The following MIOX variants were observed in gnomAD, a reference collection of about 807,000 sequenced individuals.
The protein encoded by MIOX is inositol oxygenase.
Under a neutral mutation model 42.7 loss-of-function variants are expected in MIOX, and 51 were observed. The observed-to-expected ratio is 1.19, with a 90% confidence interval of 0.95 to 1.51. The LOEUF is 1.51. MIOX is among the 40% of genes most tolerant of loss of function. The pLI is 0.00. For synonymous variants in MIOX, 168 were observed against 154.4 expected (o/e 1.09, Z -0.65); for missense variants, 395 against 381.3 (o/e 1.04, Z -0.30).
In MIOX at chr22:50,489,909, T is replaced by C; in HGVS notation, c.*53T>C. The C allele has an allele frequency of 6.5e-7, 1 of 1,532,826 alleles. No individual in the cohort carries two copies. Among genetic ancestry groups the C allele is most frequent in the Non-Finnish European group, 9.0e-7 (1 of 1,116,518 alleles). 95.0% of individuals were successfully genotyped at this position (1,532,826 alleles called of 1,614,324 possible). A position where few individuals can be genotyped will look rare whatever the true frequency, so the allele number is the denominator to read the frequency against. ...ACCTAGGCCTGGCCCTCCGCCTGCC[T>C]GGAGAGGCCTGGCCCTGGGCAAACA... On this transcript the variant is annotated 3_prime_UTR_variant, in exon 10 of 10. Coordinates refer to ENST00000216075, the MANE Select transcript of MIOX (RefSeq NM_017584.6).
In MIOX at chr22:50,489,442, C is replaced by T; in HGVS notation, c.632C>T (p.Pro211Leu). 6.2e-7 allele frequency: 1 copy of T among 1,607,082 alleles called. No homozygotes were observed. Among genetic ancestry groups the T allele is most frequent in the Non-Finnish European group, 8.5e-7 (1 of 1,177,400 alleles). ...AAGTTTAACAAGTTCTCACTGCCCC[C>T]TGAGGTAGGTGGGGGGAGGGGCAAC... ...VMKFNKFSLP[P>L]EAFYMIRFHS... The change falls in exon 8 of 10, where the codon CCT becomes CTT. Residue 211 changes from proline to leucine, a missense_variant. By Grantham distance (98) the Pro-to-Leu change is moderately conservative. Transcript: ENST00000216075.
rs369422809 is a variant in MIOX, at chr22:50,489,265, G to A, written c.556G>A (p.Asp186Asn). ...LGMYQPHCGL[D>N]RVLMSWGHDE... ...GATGTATCAGCCCCACTGTGGGCTCGACAGGGTCCTCATGTCCTGGGGCCA... is the reference window on the plus strand; with the variant it reads ...GATGTATCAGCCCCACTGTGGGCTCAACAGGGTCCTCATGTCCTGGGGCCA... Residue 186 changes from aspartate (D) to asparagine (N), a missense_variant, in exon 7 of 10, where the codon GAC becomes AAC. Physicochemically the swap from Asp to Asn is conservative, Grantham distance 23. Coordinates refer to ENST00000216075, the MANE Select transcript of MIOX (RefSeq NM_017584.6). 4.5e-5 allele frequency: 72 copies of A among 1,601,200 alleles called. No homozygotes were observed. Among genetic ancestry groups the A allele is most frequent in the East Asian group, 1.3e-4 (6 of 44,666 alleles).
chr22:50,487,908 C>G lies in MIOX; in HGVS notation c.200C>G (p.Ser67Cys), dbSNP rs146070984. Residue 67 changes from serine (S) to cysteine (C), a missense_variant, in exon 4 of 10, where the codon TCC becomes TGC. By Grantham distance (112) the Ser-to-Cys change is moderately radical (BLOSUM62 -1). Coordinates refer to ENST00000216075, the MANE Select transcript of MIOX (RefSeq NM_017584.6). ...CAGCATGCCCAGTTTGGGGGCTTCT[C>G]CTACAAGAAAATGACAGTCATGGAG... ...RSKHAQFGGF[S>C]YKKMTVMEAV... is the part of the protein sequence containing the mutation. The G allele has an allele frequency of 1.9e-6, 3 of 1,613,822 alleles. No individual in the cohort carries two copies. The highest frequency in any genetic ancestry group is 1.7e-5 in the Admixed American group (1 of 59,988).
Position 50,489,820 on chromosome 22 carries a change from C to A in MIOX, c.822C>A (p.Leu274=), listed in dbSNP as rs11556222. ...AGCTGCGGCCCTACTACCAGGGGCT[C>A]ATTGACAAGTACTGCCCTGGCATCC... ...VDKLRPYYQG[L]IDKYCPGILS... Residue 274 remains leucine, a synonymous_variant, in exon 10 of 10, where the codon CTC becomes CTA. Transcript: ENST00000216075. The A allele has an allele frequency of 1.2e-6, 2 of 1,611,482 alleles. No homozygotes were observed. The highest frequency in any genetic ancestry group is 1.3e-5 in the African/African-American group (1 of 74,874).
rs147152075 is a variant in MIOX at position 50,489,785 on chromosome 22, G to C, written c.787G>C (p.Asp263His). The C allele has an allele frequency of 9.4e-5, 151 of 1,612,174 alleles. No individual in the cohort carries two copies. The highest frequency in any genetic ancestry group is 1.2e-4 in the Non-Finnish European group (139 of 1,179,954). The change falls in exon 10 of 10, where the codon GAC (aspartate) becomes CAC (histidine). Residue 263 changes from aspartate to histidine, a missense_variant. Coordinates refer to ENST00000216075, the MANE Select transcript of MIOX (RefSeq NM_017584.6). ...DLYTKCPDLP[D>H]VDKLRPYYQG... ...CTACACCAAGTGCCCGGACCTGCCG[G>C]ACGTGGACAAGCTGCGGCCCTACTA...
rs751867030 is a variant in MIOX, at chr22:50,486,901, A to C, written c.4A>C (p.Lys2Gln). The C allele has an allele frequency of 1.2e-6, 2 of 1,613,856 alleles. No homozygotes were observed. Among genetic ancestry groups the C allele is most frequent in the Non-Finnish European group, 1.7e-6 (2 of 1,179,962 alleles). Reference protein sequence around the residue: MKVTVGPDPSLV... With the variant: MQVTVGPDPSLV... Reference sequence around the variant, plus strand: ...CTGAGCGCCGCTCCCTCTCAGGATGAAGGTGACGGTGGTGAGTACCCAGAC... The same window carrying C: ...CTGAGCGCCGCTCCCTCTCAGGATGCAGGTGACGGTGGTGAGTACCCAGAC... Residue 2 changes from lysine (K) to glutamine (Q), a missense_variant, in exon 1 of 10, where the codon AAG (lysine) becomes CAG (glutamine). Physicochemically the swap from Lys to Gln is moderately conservative, Grantham distance 53. Coordinates refer to ENST00000216075, the MANE Select transcript of MIOX (RefSeq NM_017584.6).
rs762254881 is a variant in MIOX, at chr22:50,489,740, T to C, written c.750-8T>C. ...CTTCACGGGGCTCACCGCCCCTCCC[T>C]GCTGCAGCAAGTTCGACCTCTACAC... On this transcript the variant is annotated splice_polypyrimidine_tract_variant and splice_region_variant and intron_variant, in intron 9 of 9. Transcript: ENST00000216075. 1.2e-6 allele frequency: 2 copies of C among 1,611,538 alleles called. No individual in the cohort carries two copies. Among genetic ancestry groups the C allele is most frequent in the East Asian group, 2.2e-5 (1 of 44,880 alleles).
At chr22:50,487,248 G>A (rs2068280596) in intron 1 of MIOX, 137 bp from the exon 2 acceptor site, 1 of 741,160 alleles carries the variant, frequency 1.3e-6, no homozygotes, top group Middle Eastern at 2.5e-4. Flanking sequence ...TGGCGTGGGA[G>A]AGGCTGTGTC....
Position 50,487,659 on chromosome 22 carries a change from C to T in MIOX, c.97-3C>T. The T allele has an allele frequency of 1.9e-6, 3 of 1,612,186 alleles. No individual in the cohort carries two copies. The highest frequency in any genetic ancestry group is 1.3e-5 in the African/African-American group (1 of 74,848). On this transcript the variant is annotated splice_region_variant and splice_polypyrimidine_tract_variant and intron_variant, in intron 2 of 9. Transcript: ENST00000216075. The stretch of plus-strand genomic sequence containing the variant: ...GTGGCGCCACTGACCCTCCGGCCTG[C>T]AGTCAGGTCCCCTCCTGGACCGTGT...
chr22:50,488,090 A>C (rs1226363910), intron 4 of MIOX, 42 bp downstream of exon 4: 3 of 1,611,010 alleles, frequency 1.9e-6, no homozygotes, highest in Admixed American at 1.7e-5. Flanking sequence ...TGCTGCCTCC[A>C]AGGGGCAGAA....
rs751867030 is a variant in MIOX at position 50,486,901 on chromosome 22, A to T, written c.4A>T (p.Lys2Ter). 6.2e-7 allele frequency: 1 copy of T among 1,613,856 alleles called. No individual in the cohort carries two copies. The highest frequency in any genetic ancestry group is 1.3e-5 in the African/African-American group (1 of 75,044). The change falls in exon 1 of 10, where the codon AAG (lysine) becomes TAG (stop). Residue 2 changes from lysine to a stop codon, truncating the protein, a stop_gained. Coordinates refer to ENST00000216075, the MANE Select transcript of MIOX (RefSeq NM_017584.6). LOFTEE classifies it high-confidence loss of function. M[K>*]VTVGPDPSLV... ...CTGAGCGCCGCTCCCTCTCAGGATG[A>T]AGGTGACGGTGGTGAGTACCCAGAC...
chr22:50,488,240 C>A, intron 4 of MIOX, 35 bp from the exon 5 acceptor site: 2 of 1,613,218 alleles, frequency 1.2e-6, no homozygotes, highest in Non-Finnish European at 1.7e-6. Flanking sequence ...TTGGCCCCTG[C>A]AGTCCCCAAC....
At chr22:50,488,452 C>T (rs1184896791) in intron 5 of MIOX, 110 bp downstream of exon 5, 2 of 861,494 alleles carry the variant, frequency 2.3e-6, no homozygotes, top group Admixed American at 2.9e-5. Context: ...CCAGTGCACC[C>T]CCCACGGCCC....
In MIOX at chr22:50,489,526, C is replaced by T. The variant is rs1306962330; in HGVS notation, c.637-6C>T. 1 of 1,612,568 alleles carries T rather than the reference C, an allele frequency of 6.2e-7. No homozygotes were observed. The highest frequency in any genetic ancestry group is 8.5e-7 in the Non-Finnish European group (1 of 1,179,812). On this transcript the variant is annotated splice_polypyrimidine_tract_variant and splice_region_variant and intron_variant, in intron 8 of 9. Transcript: ENST00000216075. Reference sequence around the variant, plus strand: ...CAAGTGAGCCGCTGGGTGGCCTTGCCCGCAGGCTTTCTACATGATCCGGTT... The same window carrying T: ...CAAGTGAGCCGCTGGGTGGCCTTGCTCGCAGGCTTTCTACATGATCCGGTT...
chr22:50,487,583 G>T, intron 2 of MIOX, 79 bp from the exon 3 acceptor site: 1 of 1,553,866 alleles, frequency 6.4e-7, no homozygotes, highest in Non-Finnish European at 8.8e-7. Flanking sequence ...ATCACACCCT[G>T]TGGGGCTGCC....
Position 50,489,735 on chromosome 22 carries a change from C to G in MIOX, c.750-13C>G, listed in dbSNP as rs754388178. The G allele has an allele frequency of 5.0e-5, 80 of 1,611,182 alleles. 2 individuals carry two copies. In the South Asian group the frequency reaches 8.6e-4, roughly 17 times the overall value. ...GGGTTCTTCACGGGGCTCACCGCCC[C>G]TCCCTGCTGCAGCAAGTTCGACCTC... On this transcript the variant is annotated splice_polypyrimidine_tract_variant and intron_variant, in intron 9 of 9. Coordinates refer to ENST00000216075, the MANE Select transcript of MIOX (RefSeq NM_017584.6).
chr22:50,489,333 G>A, intron 7 of MIOX, 38 bp downstream of exon 7: 3 of 1,475,248 alleles, frequency 2.0e-6, no homozygotes, highest in Admixed American at 2.1e-5. Flanking sequence ...GTGGGGGGCG[G>A]TGGGGGACGG....
rs773684601 is a variant in MIOX at position 50,489,376 on chromosome 22, G to A, written c.587-21G>A. On this transcript the variant is annotated intron_variant, in intron 7 of 9. Coordinates refer to ENST00000216075, the MANE Select transcript of MIOX (RefSeq NM_017584.6). ...CGGTGGGGCAGAGGCAGTGCCTGCT[G>A]GTGACACCCTCTCCCCACAGAGTAC... 19 of 1,558,714 alleles carry A rather than the reference G, an allele frequency of 1.2e-5. No homozygotes were observed. The African/African-American group carries it at 2.4e-4, about 20-fold the overall frequency.
At chr22:50,487,807 C>G (rs8136151) in intron 3 of MIOX, 65 bp downstream of exon 3, 1 of 1,610,534 alleles carries the variant, frequency 6.2e-7, no homozygotes, top group Non-Finnish European at 8.5e-7. Context: ...CATGAGCCCA[C>G]CAGGCGCCGA....
Sources: allele counts gnomAD v4.1 joint callset, GRCh38; gene constraint gnomAD v4.1.1; transcripts MANE v1.5; gene names NCBI Gene and HGNC (gene_info 2026-07-23, HGNC 2026-07-21).